Variants in EPHA5 observed in about 807,000 individuals in gnomAD.
EPHA5 encodes EPH receptor A5.
Under a neutral mutation model 105.0 loss-of-function variants are expected in EPHA5, and 60 were observed. The ratio of observed to expected loss-of-function variants is 0.57; its 90% CI spans 0.46 to 0.71. The LOEUF (loss-of-function observed/expected upper bound fraction) is 0.71. EPHA5 is among the 30% of genes least tolerant of loss of function. The pLI is 0.00. For synonymous variants in EPHA5, 513 were observed against 449.1 expected (o/e 1.14, Z -1.80); for missense variants, 1,218 against 1,274.7 (o/e 0.96, Z 0.68).
intron 3 of EPHA5, among the ~76,000 whole-genome samples, chr4:65,581,139 A>G (rs978683092): frequency 6.6e-6 from 1 of 151,654 alleles, no homozygotes; most frequent in African/African-American, 2.4e-5. Context: ...GCCCACAACA[A>G]TTTGCTCCTT....
intron 5 of EPHA5, among the ~76,000 whole-genome samples, chr4:65,458,073 C>CA (rs10565968): frequency 0.036 from 2,571 of 72,152 alleles, 4 homozygotes; most frequent in Non-Finnish European, 0.038. Flanking sequence ...CACTCCATCC[C>CA]AAAAAAAAAA....
rs754494165 is a variant in EPHA5, at chr4:65,670,162, A to G, written c.-420T>C. 3 of 252,406 alleles carry G rather than the reference A, an allele frequency of 1.2e-5. No homozygotes were observed. The highest frequency in any genetic ancestry group is 2.3e-5 in the Non-Finnish European group (3 of 132,092). 15.6% of individuals were successfully genotyped at this position (252,406 alleles called of 1,614,324 possible). ...GGTAAGGAAGGCAAATCATTTTAAG[A>G]CGAAATCTCCGATTTTTTAAAAAAG... On this transcript the variant is annotated 5_prime_UTR_variant, in exon 1 of 17. Coordinates refer to ENST00000613740, the MANE Select transcript of EPHA5 (RefSeq NM_001281766.3).
intron 5 of EPHA5, among the ~76,000 whole-genome samples, chr4:65,448,509 G>A (rs1358506035): frequency 6.6e-6 from 1 of 152,022 alleles, no homozygotes; most frequent in Non-Finnish European, 1.5e-5. Context: ...TTAGCTAGGT[G>A]TAGTGGCACA....
intron 3 of EPHA5, among the ~76,000 whole-genome samples, chr4:65,590,858 T>C (rs550320639): frequency 6.6e-6 from 1 of 152,270 alleles, no homozygotes; most frequent in East Asian, 1.9e-4. Flanking sequence ...AGGTTTATCA[T>C]TAATGCAGTA....
intron 3 of EPHA5, among the ~76,000 whole-genome samples, chr4:65,522,318 A>G (rs201722015): frequency 3.6e-4 from 23 of 63,978 alleles, no homozygotes; most frequent in Admixed American, 1.2e-3. Flanking sequence ...ATATATATGT[A>G]TATATATATA....
chr4:65,391,134 T>C (rs1229560808), intron 8 of EPHA5, among the ~76,000 whole-genome samples: 1 of 152,034 alleles, frequency 6.6e-6, no homozygotes, highest in Admixed American at 6.6e-5. Flanking sequence ...GAGAACAACA[T>C]AGGGGAAACT....
At chr4:65,544,566 G>C (rs1737186626) in intron 3 of EPHA5, among the ~76,000 whole-genome samples, 1 of 151,952 alleles carries the variant, frequency 6.6e-6, no homozygotes, top group African/African-American at 2.4e-5. Flanking sequence ...TTATTAAAAA[G>C]TCAAGAAGTA....
At chr4:65,486,721 T>C (rs1443714391) in intron 5 of EPHA5, among the ~76,000 whole-genome samples, 1 of 152,246 alleles carries the variant, frequency 6.6e-6, no homozygotes, top group African/African-American at 2.4e-5. Context: ...ATTTGGGTAC[T>C]TAAAAAGTGT....
intron 11 of EPHA5, among the ~76,000 whole-genome samples, chr4:65,359,862 G>A (rs756075799): frequency 2.6e-5 from 4 of 151,592 alleles, no homozygotes; most frequent in South Asian, 2.1e-4. Context: ...TTAGCTCTAC[G>A]TCTTCAAAGT....
intron 5 of EPHA5, among the ~76,000 whole-genome samples, chr4:65,459,970 T>A (rs1395653120): frequency 6.6e-6 from 1 of 151,796 alleles, no homozygotes; most frequent in East Asian, 1.9e-4. Context: ...ATGCTGGGTA[T>A]AGGGAACCCT....
chr4:65,635,723 G>A (rs1049646589), intron 2 of EPHA5, among the ~76,000 whole-genome samples: 1 of 152,120 alleles, frequency 6.6e-6, no homozygotes, highest in Non-Finnish European at 1.5e-5. Context: ...AAAATTTCCA[G>A]GGAAAGATTA....
chr4:65,579,609 C>T (rs1474283626), intron 3 of EPHA5, among the ~76,000 whole-genome samples: 1 of 151,460 alleles, frequency 6.6e-6, no homozygotes, highest in Non-Finnish European at 1.5e-5. Context: ...TATTTGTTAT[C>T]TTCATGTTTT....
intron 3 of EPHA5, among the ~76,000 whole-genome samples, chr4:65,538,036 C>A (rs895951101): frequency 2.0e-5 from 3 of 151,622 alleles, no homozygotes; most frequent in Non-Finnish European, 3.0e-5. Flanking sequence ...AAATAACATT[C>A]CCTAAAGGAA....
intron 8 of EPHA5, among the ~76,000 whole-genome samples, chr4:65,374,265 A>C (rs1317705518): frequency 6.6e-6 from 1 of 151,922 alleles, no homozygotes; most frequent in Non-Finnish European, 1.5e-5. Flanking sequence ...ATAGTACAGA[A>C]ATAGCTTTTA....
intron 3 of EPHA5, among the ~76,000 whole-genome samples, chr4:65,574,709 CATAT>C (rs1203901938): frequency 4.4e-5 from 3 of 67,780 alleles, no homozygotes; most frequent in African/African-American, 1.5e-4. Flanking sequence ...CATATATATA[CATAT>C]ATATATACAT....
chr4:65,602,411 G>A (rs764702617), intron 2 of EPHA5, 107 bp from the exon 3 acceptor site: 86 of 838,558 alleles, frequency 1.0e-4, no homozygotes, highest in Admixed American at 1.8e-4. Context: ...AGAAATATTC[G>A]TATCCTCAAT....
chr4:65,319,787 T>G lies in EPHA5; in HGVS notation c.*4327A>C, dbSNP rs1460394268. The G allele has an allele frequency of 8.8e-6, 2 of 228,502 alleles. No homozygotes were observed. The highest frequency in any genetic ancestry group is 1.2e-4 in the East Asian group (2 of 16,040). The allele number at this position is 228,502 out of a possible 1,614,324, so 14.2% of individuals were successfully genotyped here. ...TAGCTGCTTCTGACATGTCTGAAAC[T>G]AAGAGATTTTGGTAAAAATACTAAC... On this transcript the variant is annotated 3_prime_UTR_variant, in exon 17 of 17. Transcript: ENST00000613740.
chr4:65,626,715 G>C (rs535670595), intron 2 of EPHA5, among the ~76,000 whole-genome samples: 2 of 152,082 alleles, frequency 1.3e-5, no homozygotes, highest in South Asian at 4.1e-4. Context: ...TAATACAGTA[G>C]ATTTAGAGGA....
intron 1 of EPHA5, among the ~76,000 whole-genome samples, chr4:65,650,801 A>T (rs939649341): frequency 1.3e-5 from 2 of 152,152 alleles, no homozygotes; most frequent in Non-Finnish European, 2.9e-5. Context: ...AAAAGATATG[A>T]TGCTTAACAC....
Sources: gnomAD v4.1 joint callset for allele counts (sites outside exome capture counted in the v4.1 genomes callset) on GRCh38, gnomAD v4.1.1 for gene constraint, MANE v1.5 for transcripts, NCBI Gene and HGNC (gene_info 2026-07-23, HGNC 2026-07-21) for gene names.